Variants in CHD2 observed in about 807,000 individuals in gnomAD.
CHD2 encodes ATP-dependent chromatin remodeler CHD2.
A neutral mutation model predicts 243.9 loss-of-function variants in CHD2; 28 were observed. The ratio of observed to expected loss-of-function variants is 0.11; its 90% CI spans 0.09 to 0.16. The LOEUF (loss-of-function observed/expected upper bound fraction) is 0.16, where lower values mean the gene tolerates loss of function less well. Ranked by LOEUF, CHD2 falls within the 10% of genes least tolerant of loss-of-function variation. The pLI is 1.00. For synonymous variants in CHD2, 775 were observed against 779.0 expected, an observed-to-expected ratio of 0.99 and a Z score of 0.09; for missense variants, 1,386 against 2,209.8, an observed-to-expected ratio of 0.63 and a Z score of 7.47.
intron 5 of CHD2, among the ~76,000 whole-genome samples, chr15:92,937,126 G>A (rs1334670921): frequency 1.3e-5 from 2 of 152,162 alleles, no homozygotes; most frequent in African/African-American, 2.4e-5. Flanking sequence ...GCCTCCCAAA[G>A]TGCTGAGATT....
intron 2 of CHD2, among the ~76,000 whole-genome samples, chr15:92,911,392 A>C (rs193022223): frequency 6.6e-6 from 1 of 152,256 alleles, no homozygotes; most frequent in African/African-American, 2.4e-5. Flanking sequence ...TGGCAGTTTG[A>C]CTCCAGCATT....
At chr15:92,986,924 AC>A in intron 26 of CHD2, among the ~76,000 whole-genome samples, 1 of 151,804 alleles carries the variant, frequency 6.6e-6, no homozygotes. Context: ...TTTGGTAGAG[AC>A]AAGGTTTCAT....
intron 2 of CHD2, chr15:92,901,825 C>T (rs965404122): frequency 3.9e-6 from 1 of 256,644 alleles, no homozygotes; most frequent in African/African-American, 2.2e-5. Flanking sequence ...TTAAAGGACC[C>T]TTTGACTGAT....
At chr15:92,904,055 A>T (rs1475118350) in intron 2 of CHD2, among the ~76,000 whole-genome samples, 1 of 152,228 alleles carries the variant, frequency 6.6e-6, no homozygotes, top group African/African-American at 2.4e-5. Context: ...ACTAATAGAA[A>T]TCTGAAATAC....
At chr15:92,980,732 C>T in intron 22 of CHD2, 83 bp from the exon 23 acceptor site, 1 of 942,008 alleles carries the variant, frequency 1.1e-6, no homozygotes, top group South Asian at 1.5e-5. Flanking sequence ...TTAACTTGAC[C>T]TCTTTCTGAA....
chr15:92,968,207 G>C (rs2053792968), intron 17 of CHD2, among the ~76,000 whole-genome samples: 1 of 152,154 alleles, frequency 6.6e-6, no homozygotes, highest in African/African-American at 2.4e-5. Flanking sequence ...GGATTTTGCT[G>C]ATTCTAGCTC....
rs1026595722 is a variant in CHD2, at chr15:92,904,507, C to A, written c.62+3208C>A. The A allele has an allele frequency of 1.1e-5, 11 of 992,612 alleles. No homozygotes were observed. The African/African-American group carries it at 1.6e-4, about 14-fold the overall frequency. The allele number at this position is 992,612 out of a possible 1,614,324, so 61.5% of individuals were successfully genotyped here. On this transcript the variant is annotated intron_variant, in intron 2 of 38. Coordinates refer to ENST00000394196, the MANE Select transcript of CHD2 (RefSeq NM_001271.4). ...CACGCCGAGGGGAAAAGGAAGGGAA[C>A]TCTAGTTGGGACTTTCCGGTGGGCG...
At chr15:92,991,439 CTG>C (rs1230254871) in intron 26 of CHD2, 35 bp from the exon 27 acceptor site, 5 of 1,486,984 alleles carry the variant, frequency 3.4e-6, no homozygotes, top group Admixed American at 1.8e-5. Flanking sequence ...AAGTAAGTCT[CTG>C]TTTTTTTAAT....
At chr15:92,973,495 T>G (rs753663576) in intron 19 of CHD2, among the ~76,000 whole-genome samples, 1 of 152,212 alleles carries the variant, frequency 6.6e-6, no homozygotes, top group African/African-American at 2.4e-5. Flanking sequence ...TTGAAGAAAC[T>G]TGGACCAATG....
At chr15:92,945,300 C>G (rs556611670) in intron 10 of CHD2, 1 of 151,934 alleles carries the variant, frequency 6.6e-6, no homozygotes, top group South Asian at 2.1e-4. Flanking sequence ...ATAAACAACT[C>G]GTTGGGGGAG....
rs529110345 is a variant in CHD2 at position 92,992,940 on chromosome 15, C to G, written c.3537C>G (p.Asn1179Lys). ...AGCGCCTGGGTGAACTGATCCACAA[C>G]AGCTGTGTGTCAGCAATGCAGGAAT... ...DLKRLGELIHNSCVSAMQEYE... is the reference protein window; with the variant it reads ...DLKRLGELIHKSCVSAMQEYE... Residue 1179 changes from asparagine (N) to lysine (K), a missense_variant, in exon 28 of 39, where the codon AAC (asparagine) becomes AAG (lysine). Transcript: ENST00000394196. 1 of 1,614,144 alleles carries G rather than the reference C, an allele frequency of 6.2e-7. No homozygotes were observed. Among genetic ancestry groups the G allele is most frequent in the East Asian group, 2.2e-5 (1 of 44,888 alleles).
intron 38 of CHD2, 90 bp from the exon 39 acceptor site, chr15:93,024,282 G>A: frequency 8.9e-7 from 1 of 1,118,716 alleles, no homozygotes; most frequent in Non-Finnish European, 1.3e-6. Context: ...TTGAATATGA[G>A]TATATGAGGA....
chr15:92,977,060 C>T (rs553304842), intron 20 of CHD2, among the ~76,000 whole-genome samples: 2 of 151,982 alleles, frequency 1.3e-5, no homozygotes, highest in Admixed American at 6.6e-5. Context: ...TCCACGTTAT[C>T]CTTGCTAAAG....
intron 2 of CHD2, chr15:92,901,595 A>G: frequency 2.3e-6 from 1 of 439,252 alleles, no homozygotes; most frequent in East Asian, 3.5e-5. Context: ...AGTAAATTTC[A>G]GTTTTTAGGT....
At chr15:93,012,023 CTT>C (rs2054400163) in intron 35 of CHD2, among the ~76,000 whole-genome samples, 1 of 152,154 alleles carries the variant, frequency 6.6e-6, no homozygotes, top group Non-Finnish European at 1.5e-5. Context: ...CTGTCAGACT[CTT>C]TTGGCAGAAC....
intron 2 of CHD2, among the ~76,000 whole-genome samples, chr15:92,922,143 C>A (rs1040513516): frequency 6.6e-6 from 1 of 152,048 alleles, no homozygotes; most frequent in Non-Finnish European, 1.5e-5. Flanking sequence ...TCTTTTGGCC[C>A]CCTATGGTAA....
At position 92,974,615 on chromosome 15, in the gene CHD2, C is replaced by A. The variant is rs140113094; in HGVS notation, c.2506-264C>A. On this transcript the variant is annotated intron_variant, in intron 19 of 38. Coordinates refer to ENST00000394196, the MANE Select transcript of CHD2 (RefSeq NM_001271.4). ...GGTTTTCGTCTTTCTCCTTTTAGGT[C>A]CTGGCAGCCATTCTGATCCTTGGCT... 360 of 339,348 alleles carry A rather than the reference C, an allele frequency of 1.1e-3. 1 individual carries two copies. The highest frequency in any genetic ancestry group is 1.6e-3 in the Non-Finnish European group (287 of 180,698). The allele number at this position is 339,348 out of a possible 1,614,324, so 21.0% of individuals were successfully genotyped here. A position where few individuals can be genotyped will look rare whatever the true frequency, so the allele number is the denominator to read the frequency against.
chr15:92,909,702 C>T (rs1489863892), intron 2 of CHD2, among the ~76,000 whole-genome samples: 1 of 152,028 alleles, frequency 6.6e-6, no homozygotes, highest in Non-Finnish European at 1.5e-5. Flanking sequence ...CCCCACCTGT[C>T]TAATTTTTGT....
At chr15:92,961,026 A>T (rs901828896) in intron 16 of CHD2, among the ~76,000 whole-genome samples, 1 of 151,616 alleles carries the variant, frequency 6.6e-6, no homozygotes, top group African/African-American at 2.4e-5. Flanking sequence ...GCCTGGCCGC[A>T]TTTGTGTTTT....
Sources: allele counts gnomAD v4.1 joint callset (sites outside exome capture counted in the v4.1 genomes callset), GRCh38; gene constraint gnomAD v4.1.1; transcripts MANE v1.5; gene names NCBI Gene and HGNC (gene_info 2026-07-23, HGNC 2026-07-21).